The following RFK variants were observed in gnomAD, a reference collection of about 807,000 sequenced individuals.
RFK encodes the protein riboflavin kinase, also known as 0610038L10Rik.
A neutral mutation model predicts 17.6 loss-of-function variants in RFK; 4 were observed. That is an observed-to-expected ratio of 0.23 (90% CI 0.11 to 0.52). RFK has a LOEUF of 0.52. Among genes scored for constraint, RFK ranks in the 20% least tolerant of loss-of-function variants. The pLI, the probability that RFK is intolerant of heterozygous loss-of-function variation, is 0.96. For synonymous variants in RFK, 59 were observed against 63.8 expected (o/e 0.92, Z 0.36); for missense variants, 189 against 187.7 (o/e 1.01, Z -0.04).
Position 76,394,167 on chromosome 9 carries a change from CT to C in RFK, c.4del (p.Arg2GlyfsTer34). 1 of 1,603,906 alleles carries C rather than the reference CT, an allele frequency of 6.2e-7. No individual in the cohort carries two copies. Among genetic ancestry groups the C allele is most frequent in the Non-Finnish European group, 8.5e-7 (1 of 1,176,430 alleles). On this transcript the variant is annotated frameshift_variant, in exon 1 of 4. Coordinates refer to ENST00000376736, the MANE Select transcript of RFK (RefSeq NM_018339.6). LOFTEE classifies it high-confidence loss of function. M[R>X]HLPYFCRGQV... ...ACCCCGGCAGAAGTAAGGCAGGTGC[CT>C]CATAATGCAGTCCGCTCGGGGAATG...
chr9:76,392,396 C>T (rs768325005), intron 2 of RFK, 22 bp downstream of exon 2: 1 of 1,612,206 alleles, frequency 6.2e-7, no homozygotes, highest in South Asian at 1.1e-5. Context: ...TTTTCGGTTA[C>T]AGAGCAAAAT....
chr9:76,392,824 C>A (rs138869946), intron 1 of RFK, among the ~76,000 whole-genome samples: 5 of 152,116 alleles, frequency 3.3e-5, no homozygotes, highest in African/African-American at 1.2e-4. Context: ...TCAGTTGAGC[C>A]CAGCAGATGG....
At chr9:76,394,028 T>G in intron 1 of RFK, 62 bp downstream of exon 1, 1 of 1,492,068 alleles carries the variant, frequency 6.7e-7, no homozygotes, top group South Asian at 1.2e-5. Context: ...AGTCCCCGGC[T>G]GCCGTCTCTC....
chr9:76,388,932 G>A (rs373373613), intron 2 of RFK, among the ~76,000 whole-genome samples: 28 of 152,300 alleles, frequency 1.8e-4, no homozygotes, highest in Middle Eastern at 3.4e-3. Context: ...AAACTGACAC[G>A]TATCCAAGGA....
intron 2 of RFK, among the ~76,000 whole-genome samples, chr9:76,390,270 A>G (rs2131554173): frequency 6.6e-6 from 1 of 152,356 alleles, no homozygotes; most frequent in Admixed American, 6.5e-5. Flanking sequence ...AAAAAACCAC[A>G]GACAAGTATC....
chr9:76,386,754 T>C lies in RFK; in HGVS notation c.*645A>G, dbSNP rs553936690. On this transcript the variant is annotated 3_prime_UTR_variant, in exon 4 of 4. Transcript: ENST00000376736. ...AAAGAAAATGACTAAAACAAAACTT[T>C]ACAAACATCTTCATGTTTGTAATGT... 1.3e-5 allele frequency: 2 copies of C among 152,324 alleles called. No individual in the cohort carries two copies. 9.4% of individuals were successfully genotyped at this position (152,324 alleles called of 1,614,324 possible).
intron 2 of RFK, among the ~76,000 whole-genome samples, chr9:76,391,760 G>C (rs1822822855): frequency 6.6e-6 from 1 of 152,292 alleles, no homozygotes; most frequent in African/African-American, 2.4e-5. Flanking sequence ...GTACCACAAT[G>C]TATAAGGATG....
At chr9:76,387,940 G>A (rs536491571) in intron 3 of RFK, 3 of 245,076 alleles carry the variant, frequency 1.2e-5, no homozygotes, top group South Asian at 4.3e-5. Flanking sequence ...TGGAGGTTGC[G>A]GTGAGAGGGG....
At chr9:76,387,721 C>T (rs562289612) in intron 3 of RFK, 192 bp from the exon 4 acceptor site, 85 of 393,790 alleles carry the variant, frequency 2.2e-4, no homozygotes, top group African/African-American at 1.8e-3. Context: ...GTCCCTAGGC[C>T]GGGGGCAGTG....
Position 76,394,267 on chromosome 9 carries a change from C to G in RFK, c.-96G>C. On this transcript the variant is annotated 5_prime_UTR_variant, in exon 1 of 4. Coordinates refer to ENST00000376736, the MANE Select transcript of RFK (RefSeq NM_018339.6). Reference sequence around the variant, plus strand: ...CCCAGACCCCGGACCAGCCGGGGGACAGGAGCGTGAGCTCTGCCTGCCGCG... The same window carrying G: ...CCCAGACCCCGGACCAGCCGGGGGAGAGGAGCGTGAGCTCTGCCTGCCGCG... The G allele has an allele frequency of 2.3e-6, 3 of 1,289,980 alleles. No individual in the cohort carries two copies. The highest frequency in any genetic ancestry group is 3.2e-6 in the Non-Finnish European group (3 of 944,076). 79.9% of individuals were successfully genotyped at this position (1,289,980 alleles called of 1,614,324 possible). A position where few individuals can be genotyped will look rare whatever the true frequency, so the allele number is the denominator to read the frequency against.
At chr9:76,387,644 T>C (rs897858476) in intron 3 of RFK, 115 bp from the exon 4 acceptor site, 2 of 909,276 alleles carry the variant, frequency 2.2e-6, no homozygotes, top group East Asian at 2.4e-5. Context: ...CTGCACAGGG[T>C]AGATACCCAA....
intron 1 of RFK, among the ~76,000 whole-genome samples, chr9:76,393,246 G>C (rs1326122582): frequency 6.9e-6 from 1 of 145,332 alleles, no homozygotes; most frequent in Non-Finnish European, 1.5e-5. Context: ...TCACTCTGTC[G>C]CCCAGGCTGG....
intron 2 of RFK, 37 bp from the exon 3 acceptor site, chr9:76,388,693 C>A (rs1249281423): frequency 1.7e-6 from 2 of 1,181,924 alleles, no homozygotes; most frequent in Non-Finnish European, 2.5e-6. Context: ...TGCTATCAGA[C>A]TACAGTGTAC....
intron 2 of RFK, among the ~76,000 whole-genome samples, chr9:76,389,055 C>A (rs1822781097): frequency 1.3e-5 from 2 of 152,156 alleles, no homozygotes; most frequent in South Asian, 4.1e-4. Context: ...CATTTGCACA[C>A]GTCTGACACA....
Position 76,387,548 on chromosome 9 carries a change from A to T in RFK, c.338-19T>A. ...AGTGACTCTGCAGAGAGAATATACC[A>T]GGTAAAAATGATGAAAAACCATTAA... On this transcript the variant is annotated intron_variant, in intron 3 of 3. Coordinates refer to ENST00000376736, the MANE Select transcript of RFK (RefSeq NM_018339.6). The T allele has an allele frequency of 6.3e-7, 1 of 1,589,166 alleles. No homozygotes were observed. Among genetic ancestry groups the T allele is most frequent in the Non-Finnish European group, 8.5e-7 (1 of 1,173,308 alleles).
intron 1 of RFK, 62 bp from the exon 2 acceptor site, chr9:76,392,631 G>T: frequency 6.6e-7 from 1 of 1,510,918 alleles, no homozygotes; most frequent in Non-Finnish European, 9.1e-7. Context: ...CTGTAGCCGA[G>T]TGCAGTGGCT....
intron 1 of RFK, 123 bp from the exon 2 acceptor site, chr9:76,392,692 G>A (rs35031885): frequency 0.038 from 34,519 of 904,808 alleles, 831 homozygotes; most frequent in Non-Finnish European, 0.047. Context: ...GGCTCATGTT[G>A]AGCTCTGGGG....
intron 3 of RFK, chr9:76,388,307 C>T (rs998948107): frequency 8.1e-5 from 48 of 593,596 alleles, no homozygotes; most frequent in Non-Finnish European, 1.2e-4. Context: ...AGCTAGACTC[C>T]GTTATTTACT....
At chr9:76,391,522 C>T (rs572712561) in intron 2 of RFK, among the ~76,000 whole-genome samples, 4 of 152,308 alleles carry the variant, frequency 2.6e-5, no homozygotes, top group South Asian at 4.1e-4. Flanking sequence ...GGTGACCAAG[C>T]GCAATTGATG....
Sources: allele counts gnomAD v4.1 joint callset (sites outside exome capture counted in the v4.1 genomes callset), GRCh38; gene constraint gnomAD v4.1.1; transcripts MANE v1.5; gene names NCBI Gene and HGNC (gene_info 2026-07-23, HGNC 2026-07-21).